Variants in CDH13 observed in about 807,000 individuals in gnomAD.
CDH13 encodes cadherin 13.
Under a neutral mutation model 63.8 loss-of-function variants are expected in CDH13, and 24 were observed. The ratio of observed to expected loss-of-function variants is 0.38; its 90% CI spans 0.27 to 0.53. CDH13 has a LOEUF of 0.53. CDH13 is among the 20% of genes least tolerant of loss of function. The pLI is 0.85. For synonymous variants in CDH13, 503 were observed against 355.3 expected, an observed-to-expected ratio of 1.42 and a Z score of -4.67; for missense variants, 1,049 against 903.1, an observed-to-expected ratio of 1.16 and a Z score of -2.07.
chr16:83,081,311 A>C (rs949724267), intron 3 of CDH13, among the ~76,000 whole-genome samples: 1 of 152,150 alleles, frequency 6.6e-6, no homozygotes, highest in Admixed American at 6.5e-5. Flanking sequence ...TGGGATAGAC[A>C]TGGTCTATAT....
intron 7 of CDH13, among the ~76,000 whole-genome samples, chr16:83,543,263 G>A (rs1424712461): frequency 6.6e-6 from 1 of 152,178 alleles, no homozygotes; most frequent in Non-Finnish European, 1.5e-5. Context: ...TAAATGTTGG[G>A]TGAGTGAACA....
At chr16:82,929,829 C>T (rs1374990503) in intron 2 of CDH13, among the ~76,000 whole-genome samples, 2 of 151,774 alleles carry the variant, frequency 1.3e-5, no homozygotes, top group Non-Finnish European at 2.9e-5. Flanking sequence ...CCTGTTACAG[C>T]ATCCCGAAGA....
chr16:83,305,867 C>T lies in CDH13; in HGVS notation c.637-38995C>T, dbSNP rs188021790. Among the ~76,000 whole-genome samples the T allele has an allele frequency of 2.4e-3, 359 of 152,330 alleles. 2 individuals carry two copies. Among genetic ancestry groups the T allele is most frequent in the African/African-American group, 8.4e-3 (348 of 41,578 alleles). ...TGTAGCTGTCGCAATTATTGACCTC[C>T]TGGACTCTGTGTCCTAATCTACAAC... On this transcript the variant is annotated intron_variant, in intron 5 of 13. Transcript: ENST00000567109.
At chr16:82,803,105 A>G (rs547179044) in intron 1 of CDH13, among the ~76,000 whole-genome samples, 2 of 152,262 alleles carry the variant, frequency 1.3e-5, no homozygotes, top group Admixed American at 6.5e-5. Flanking sequence ...AAAGGCGAAG[A>G]CTGTATTAAA....
At chr16:83,155,000 T>G (rs1426533752) in intron 4 of CDH13, among the ~76,000 whole-genome samples, 1 of 152,246 alleles carries the variant, frequency 6.6e-6, no homozygotes, top group African/African-American at 2.4e-5. Flanking sequence ...CCTAGGTCAA[T>G]TATTTCATTA....
At chr16:82,951,032 A>G (rs762771592) in intron 2 of CDH13, among the ~76,000 whole-genome samples, 1 of 152,104 alleles carries the variant, frequency 6.6e-6, no homozygotes, top group Non-Finnish European at 1.5e-5. Context: ...CATCTTCGAG[A>G]AGAATTTTAT....
At chr16:83,015,551 C>A (rs556409710) in intron 2 of CDH13, among the ~76,000 whole-genome samples, 13 of 151,078 alleles carry the variant, frequency 8.6e-5, no homozygotes, top group Admixed American at 3.3e-4. Context: ...AAGATTCCAG[C>A]ATCTTAGCAT....
chr16:83,704,459 T>G (rs1906709448), intron 10 of CDH13, among the ~76,000 whole-genome samples: 1 of 151,764 alleles, frequency 6.6e-6, no homozygotes, highest in Admixed American at 6.6e-5. Context: ...TTTAGGGAAA[T>G]GTTTGCAGTG....
chr16:83,066,963 T>C (rs2032063572), intron 3 of CDH13, among the ~76,000 whole-genome samples: 1 of 152,172 alleles, frequency 6.6e-6, no homozygotes, highest in Admixed American at 6.5e-5. Flanking sequence ...GCTGAAGTCT[T>C]TGCTTCAGCA....
At chr16:83,194,485 C>T (rs1344905998) in intron 4 of CDH13, among the ~76,000 whole-genome samples, 1 of 152,190 alleles carries the variant, frequency 6.6e-6, no homozygotes, top group Non-Finnish European at 1.5e-5. Flanking sequence ...CTGTGTCAGG[C>T]CTTCCAAGCT....
intron 6 of CDH13, among the ~76,000 whole-genome samples, chr16:83,469,550 A>G (rs1272858511): frequency 6.6e-6 from 1 of 152,148 alleles, no homozygotes; most frequent in South Asian, 2.1e-4. Flanking sequence ...TCCTGATACC[A>G]GATGCTTTCA....
chr16:83,060,418 A>G (rs959756697), intron 3 of CDH13, among the ~76,000 whole-genome samples: 8 of 152,134 alleles, frequency 5.3e-5, no homozygotes, highest in Admixed American at 2.0e-4. Context: ...TGAAAAGACA[A>G]AGTGTGAAAG....
intron 4 of CDH13, among the ~76,000 whole-genome samples, chr16:83,204,141 C>T (rs1049597474): frequency 6.6e-6 from 1 of 152,200 alleles, no homozygotes; most frequent in Non-Finnish European, 1.5e-5. Context: ...GCTCTTCCAT[C>T]AGTGTCGGGC....
intron 1 of CDH13, chr16:82,826,338 G>A (rs776621851): frequency 6.6e-6 from 1 of 152,148 alleles, no homozygotes; most frequent in Non-Finnish European, 1.5e-5. Flanking sequence ...AATTGTCCAA[G>A]TTGAAATTCT....
At position 83,344,912 on chromosome 16, in the gene CDH13, G is replaced by C; in HGVS notation, c.687G>C (p.Val229=). 1.2e-6 allele frequency: 2 copies of C among 1,613,986 alleles called. No individual in the cohort carries two copies. Among genetic ancestry groups the C allele is most frequent in the South Asian group, 1.1e-5 (1 of 91,084 alleles). Residue 229 remains valine (V), a synonymous_variant, in exon 6 of 14, where the codon GTG becomes GTC. Coordinates refer to ENST00000567109, the MANE Select transcript of CDH13 (RefSeq NM_001257.5). The part of the protein sequence containing the change: ...DVNGKTLEGP[V]PLEVIVIDQN... ...ATGGCAAAACTCTCGAGGGGCCGGT[G>C]CCTCTGGAAGTCATTGTGATTGATC...
At chr16:82,880,872 C>T (rs2040679521) in intron 2 of CDH13, among the ~76,000 whole-genome samples, 2 of 152,116 alleles carry the variant, frequency 1.3e-5, no homozygotes, top group African/African-American at 4.8e-5. Context: ...TACTGAGAAC[C>T]TCAGTGTTAC....
chr16:83,472,569 G>T (rs2073484213), intron 6 of CDH13, among the ~76,000 whole-genome samples: 1 of 152,158 alleles, frequency 6.6e-6, no homozygotes. Flanking sequence ...ATCTAGTGCA[G>T]CTCTCTTAAG....
chr16:83,100,113 G>A (rs1319746732), intron 3 of CDH13, among the ~76,000 whole-genome samples: 2 of 152,000 alleles, frequency 1.3e-5, no homozygotes, highest in East Asian at 3.9e-4. Flanking sequence ...CATTCAATTC[G>A]TGTGCTGTCT....
chr16:83,258,477 C>A (rs1906555979), intron 5 of CDH13, among the ~76,000 whole-genome samples: 1 of 152,120 alleles, frequency 6.6e-6, no homozygotes, highest in African/African-American at 2.4e-5. Context: ...CCGAGTGTTG[C>A]AAATACTGTT....
Sources: allele counts gnomAD v4.1 joint callset (sites outside exome capture counted in the v4.1 genomes callset), GRCh38; gene constraint gnomAD v4.1.1; transcripts MANE v1.5; gene names NCBI Gene and HGNC (gene_info 2026-07-23, HGNC 2026-07-21).